Variants in LIG1 observed in about 807,000 individuals in gnomAD.
LIG1 encodes the protein ligase I, DNA, ATP-dependent.
In LIG1, 70 loss-of-function variants were observed where a neutral mutation model predicts 115.7. That is an observed-to-expected ratio of 0.60 (90% CI 0.50 to 0.74). The LOEUF is 0.74. LIG1 is among the 30% of genes least tolerant of loss of function. The pLI is 0.00. For missense variants in LIG1, 1,115 were observed against 1,225.6 expected (o/e 0.91, Z 1.35); for synonymous variants, 487 against 495.3 (o/e 0.98, Z 0.22).
intron 19 of LIG1, among the ~76,000 whole-genome samples, chr19:48,130,537 C>T (rs1173592405): frequency 6.6e-6 from 1 of 152,180 alleles, no homozygotes; most frequent in Admixed American, 6.5e-5. Flanking sequence ...CGTCCTGACT[C>T]CTCCTCCCCG....
At chr19:48,151,188 A>G in intron 7 of LIG1, 44 bp downstream of exon 7, 1 of 1,245,308 alleles carries the variant, frequency 8.0e-7, no homozygotes, top group African/African-American at 1.5e-5. Context: ...CTGACCCCAA[A>G]ATCAGGAGGT....
In LIG1 at chr19:48,127,082, C is replaced by A. The variant is rs2033720802; in HGVS notation, c.2004+195G>T. The A allele has an allele frequency of 5.0e-6, 3 of 601,922 alleles. No individual in the cohort carries two copies. In the East Asian group the frequency reaches 8.5e-5, roughly 17 times the overall value. 37.3% of individuals were successfully genotyped at this position (601,922 alleles called of 1,614,324 possible). A position where few individuals can be genotyped will look rare whatever the true frequency, so the allele number is the denominator to read the frequency against. ...AATGTGGAGTTGGAAAGAGAGGGACCTTGAAGATGTCCTTGAAAGAATCTT... is the reference window on the plus strand; with the variant it reads ...AATGTGGAGTTGGAAAGAGAGGGACATTGAAGATGTCCTTGAAAGAATCTT... On this transcript the variant is annotated intron_variant, in intron 21 of 27. Coordinates refer to ENST00000263274, the MANE Select transcript of LIG1 (RefSeq NM_000234.3).
intron 9 of LIG1, among the ~76,000 whole-genome samples, chr19:48,145,681 G>A (rs998588427): frequency 2.0e-5 from 3 of 152,130 alleles, no homozygotes; most frequent in African/African-American, 4.8e-5. Flanking sequence ...GTGGGCAGGG[G>A]AGTCTAGAGC....
rs55704259 is a variant in LIG1, at chr19:48,115,798, C to G, written c.2677-66G>C. 3,350 of 1,580,826 alleles carry G rather than the reference C, an allele frequency of 2.1e-3. 59 individuals are homozygous for G. The African/African-American group carries it at 0.038, about 18-fold the overall frequency. ...GGCTGCTCCCACCTCCACAAGGTTCCAGAGAGGCCACCACGCTAAAAAGCT... is the reference window on the plus strand; with the variant it reads ...GGCTGCTCCCACCTCCACAAGGTTCGAGAGAGGCCACCACGCTAAAAAGCT... On this transcript the variant is annotated intron_variant, in intron 27 of 27. Coordinates refer to ENST00000263274, the MANE Select transcript of LIG1 (RefSeq NM_000234.3).
chr19:48,137,566 C>T lies in LIG1; in HGVS notation c.1210G>A (p.Val404Ile). Reference sequence around the variant, plus strand: ...GCGATGTCGCGGAACTTGCTGAAGACCCCGGAGGCAGTGAGCGGAGGTGGT... The same window carrying T: ...GCGATGTCGCGGAACTTGCTGAAGATCCCGGAGGCAGTGAGCGGAGGTGGT... ...LPPPPLTASG[V>I]FSKFRDIARL... The change falls in exon 13 of 28, where the codon GTC (valine) becomes ATC (isoleucine). Residue 404 changes from valine to isoleucine, a missense_variant. Val to Ile is a conservative substitution (Grantham distance 29). Coordinates refer to ENST00000263274, the MANE Select transcript of LIG1 (RefSeq NM_000234.3). This position sits in a 1 kb window ranked among gnomAD's most constrained non-coding sequence, Gnocchi z 4.3. The T allele has an allele frequency of 1.2e-6, 2 of 1,613,468 alleles. No individual in the cohort carries two copies. Among genetic ancestry groups the T allele is most frequent in the African/African-American group, 1.3e-5 (1 of 75,060 alleles).
chr19:48,126,868 G>T (rs1599756303), intron 21 of LIG1, among the ~76,000 whole-genome samples: 1 of 151,952 alleles, frequency 6.6e-6, no homozygotes, highest in African/African-American at 2.4e-5. Flanking sequence ...GTGAACCACA[G>T]TGCCTGGCTC....
intron 9 of LIG1, among the ~76,000 whole-genome samples, chr19:48,146,371 A>G (rs893976066): frequency 1.3e-5 from 2 of 152,264 alleles, no homozygotes; most frequent in Admixed American, 1.3e-4. Context: ...CAGAAAGGAC[A>G]GGTGGGTTAA....
intron 11 of LIG1, among the ~76,000 whole-genome samples, 155 bp from the exon 12 acceptor site, chr19:48,140,298 G>A (rs992404008): frequency 3.9e-5 from 6 of 152,200 alleles, no homozygotes; most frequent in South Asian, 2.1e-4. Context: ...CTGGAGCCAT[G>A]AGGACAATCA....
Position 48,161,266 on chromosome 19 carries a change from C to T in LIG1, c.243+106G>A, listed in dbSNP as rs1176983181. On this transcript the variant is annotated intron_variant, in intron 4 of 27. Coordinates refer to ENST00000263274, the MANE Select transcript of LIG1 (RefSeq NM_000234.3). ...AACCAGGAAACACATCTACCTCTCC[C>T]GGGCAATTTCTCCAGAATTCTCCTG... 1.5e-5 allele frequency: 22 copies of T among 1,516,904 alleles called. No individual in the cohort carries two copies. In the East Asian group the frequency reaches 3.6e-4, roughly 25 times the overall value. 94.0% of individuals were successfully genotyped at this position (1,516,904 alleles called of 1,614,324 possible).
intron 4 of LIG1, among the ~76,000 whole-genome samples, chr19:48,159,534 G>T (rs2036049729): frequency 6.6e-6 from 1 of 152,154 alleles, no homozygotes; most frequent in Admixed American, 6.6e-5. Context: ...ATGGCAAAGG[G>T]TAATTGAGGT....
At chr19:48,127,375 G>GA in intron 20 of LIG1, 27 bp from the exon 21 acceptor site, 3 of 1,603,692 alleles carry the variant, frequency 1.9e-6, no homozygotes, top group Non-Finnish European at 2.6e-6. Flanking sequence ...CGGAGTTCGT[G>GA]AGTGCAGGAA....
At chr19:48,151,791 C>T (rs1165604955) in intron 6 of LIG1, among the ~76,000 whole-genome samples, 3 of 136,400 alleles carry the variant, frequency 2.2e-5, no homozygotes, top group Admixed American at 7.3e-5. Context: ...AGCAAGGCAG[C>T]GACCTTGAGG....
chr19:48,127,037 A>AG (rs56319746), intron 21 of LIG1: 66,431 of 546,050 alleles, frequency 0.12, 4,664 homozygotes, highest in African/African-American at 0.26. Flanking sequence ...GCAGGACCTG[A>AG]GGAAGATCCA....
At chr19:48,169,097 T>A (rs904385364) in intron 1 of LIG1, among the ~76,000 whole-genome samples, 1 of 151,806 alleles carries the variant, frequency 6.6e-6, no homozygotes, top group Non-Finnish European at 1.5e-5. Context: ...TTGTGCAGAG[T>A]AGAAAAAAGG....
chr19:48,116,868 T>A (rs573051794), intron 26 of LIG1, among the ~76,000 whole-genome samples: 2 of 152,194 alleles, frequency 1.3e-5, no homozygotes, highest in Admixed American at 1.3e-4. Context: ...TGGCTGGGCA[T>A]GGTGGCCCAC....
intron 2 of LIG1, among the ~76,000 whole-genome samples, chr19:48,164,249 G>C (rs532338452): frequency 6.6e-6 from 1 of 152,082 alleles, no homozygotes; most frequent in Non-Finnish European, 1.5e-5. Context: ...GAAAGCAATC[G>C]AAGGCACCAT....
rs375683198 is a variant in LIG1, at chr19:48,131,165, C to T, written c.1732G>A (p.Ala578Thr). 30 of 1,613,854 alleles carry T rather than the reference C, an allele frequency of 1.9e-5. No individual in the cohort carries two copies. Among genetic ancestry groups the T allele is most frequent in the Middle Eastern group, 3.3e-4 (2 of 6,062 alleles). ...KYDGQRAQIHALEGGEVKIFS... is the reference protein window; with the variant it reads ...KYDGQRAQIHTLEGGEVKIFS... ...ATCTTCACCTCCCCGCCTTCCAGGG[C>T]GTGGATCTGTCACGATGGGAGAAGG... Residue 578 changes from alanine (A) to threonine (T), a missense_variant, in exon 19 of 28, where the codon GCC (alanine) becomes ACC (threonine). Ala to Thr is a moderately conservative substitution (Grantham distance 58). Coordinates refer to ENST00000263274, the MANE Select transcript of LIG1 (RefSeq NM_000234.3).
At chr19:48,162,097 G>A (rs1049718332) in intron 3 of LIG1, among the ~76,000 whole-genome samples, 165 bp downstream of exon 3, 4 of 152,264 alleles carry the variant, frequency 2.6e-5, no homozygotes, top group African/African-American at 9.6e-5. Context: ...CGAGGCCCTG[G>A]ATCCAGCTGT....
In LIG1 at chr19:48,137,645, G is replaced by A. The variant is rs4987069; in HGVS notation, c.1131C>T (p.Gly377=). The change falls in exon 13 of 28, where the codon GGC becomes GGT. Residue 377 remains glycine (G), a synonymous_variant. Coordinates refer to ENST00000263274, the MANE Select transcript of LIG1 (RefSeq NM_000234.3). The surrounding 1 kb of genome is among the most constrained non-coding windows in gnomAD (Gnocchi z 4.3). ...ESVRAEAAEK[G]DVGLVAENSR... Reference sequence around the variant, plus strand: ...TGTTCTCGGCCACCAGCCCCACGTCGCCTTTCTCGGCTGCCTCAGCCCGGA... The same window carrying A: ...TGTTCTCGGCCACCAGCCCCACGTCACCTTTCTCGGCTGCCTCAGCCCGGA... 0.014 allele frequency: 22,816 copies of A among 1,608,854 alleles called. 239 individuals carry two copies. The highest frequency in any genetic ancestry group is 0.017 in the Non-Finnish European group (19,916 of 1,179,588).
Sources: allele counts gnomAD v4.1 joint callset (sites outside exome capture counted in the v4.1 genomes callset), GRCh38; gene constraint gnomAD v4.1.1; non-coding constraint Gnocchi (gnomAD v3.1); transcripts MANE v1.5; gene names NCBI Gene and HGNC (gene_info 2026-07-23, HGNC 2026-07-21).